Variants in ARHGAP44 observed in about 807,000 individuals in gnomAD.
ARHGAP44 encodes Rho GTPase activating protein 44.
Under a neutral mutation model 106.8 loss-of-function variants are expected in ARHGAP44, and 43 were observed. That is an observed-to-expected ratio of 0.40 (90% CI 0.32 to 0.52). The LOEUF (loss-of-function observed/expected upper bound fraction) is 0.52, where lower values mean the gene tolerates loss of function less well. Among genes scored for constraint, ARHGAP44 ranks in the 20% least tolerant of loss-of-function variants. ARHGAP44 has a pLI of 0.48. For missense variants in ARHGAP44, 866 were observed against 1,050.5 expected (o/e 0.82, Z 2.43); for synonymous variants, 439 against 410.3 (o/e 1.07, Z -0.85).
At position 12,789,729 on chromosome 17, in the gene ARHGAP44, C is replaced by T; in HGVS notation, c.-110C>T. 2 of 1,069,588 alleles carry T rather than the reference C, an allele frequency of 1.9e-6. No homozygotes were observed. Among genetic ancestry groups the T allele is most frequent in the Middle Eastern group, 3.2e-4 (1 of 3,126 alleles). The allele number at this position is 1,069,588 out of a possible 1,614,324, so 66.3% of individuals were successfully genotyped here. ...GACGGCGCCCGGAGGCTCCGCAGTG[C>T]CGCCGCCGTCGCCCGGGAGGCTCCG... On this transcript the variant is annotated 5_prime_UTR_variant, in exon 1 of 21. Coordinates refer to ENST00000379672, the MANE Select transcript of ARHGAP44 (RefSeq NM_014859.6).
At chr17:12,803,977 A>G (rs966882996) in intron 1 of ARHGAP44, among the ~76,000 whole-genome samples, 7 of 152,208 alleles carry the variant, frequency 4.6e-5, no homozygotes, top group Non-Finnish European at 8.8e-5. Context: ...AGATGTCATA[A>G]TTCAGAGTGG....
chr17:12,905,341 T>C (rs2037516441), intron 3 of ARHGAP44, among the ~76,000 whole-genome samples: 1 of 152,196 alleles, frequency 6.6e-6, no homozygotes, highest in Non-Finnish European at 1.5e-5. Context: ...TCAAAATCAT[T>C]AGTGCAGGTG....
chr17:12,910,664 A>G (rs1598039520), intron 4 of ARHGAP44, among the ~76,000 whole-genome samples: 1 of 151,840 alleles, frequency 6.6e-6, no homozygotes, highest in South Asian at 2.1e-4. Context: ...CAGACTGGTC[A>G]TGAACTCCTG....
intron 5 of ARHGAP44, among the ~76,000 whole-genome samples, chr17:12,919,197 G>A (rs1288430043): frequency 6.6e-6 from 1 of 152,172 alleles, no homozygotes; most frequent in Non-Finnish European, 1.5e-5. Flanking sequence ...TAATTAGCCT[G>A]AGTGTAGTAA....
chr17:12,952,661 C>A, intron 13 of ARHGAP44, 80 bp downstream of exon 13: 2 of 948,708 alleles, frequency 2.1e-6, no homozygotes, highest in South Asian at 1.5e-5. Flanking sequence ...GGGTAAAAGT[C>A]ATGGTAACTA....
At chr17:12,946,038 C>A (rs180769853) in intron 10 of ARHGAP44, among the ~76,000 whole-genome samples, 10 of 152,166 alleles carry the variant, frequency 6.6e-5, no homozygotes, top group African/African-American at 2.4e-4. Flanking sequence ...AGATTATAGG[C>A]GTGAGCCACC....
intron 1 of ARHGAP44, 73 bp downstream of exon 1, chr17:12,789,964 A>G: frequency 7.4e-7 from 1 of 1,352,750 alleles, no homozygotes; most frequent in East Asian, 3.2e-5. Context: ...CAGGTGATGG[A>G]GCCCGCCCAG....
chr17:12,845,506 C>CAAAAA (rs748288660), intron 1 of ARHGAP44, among the ~76,000 whole-genome samples: 4 of 67,926 alleles, frequency 5.9e-5, no homozygotes, highest in African/African-American at 1.1e-4. Context: ...GACTCCGTCT[C>CAAAAA]AAAAAAAAAA....
chr17:12,930,722 G>A (rs1012621847), intron 7 of ARHGAP44, among the ~76,000 whole-genome samples: 3 of 152,142 alleles, frequency 2.0e-5, no homozygotes, highest in Non-Finnish European at 4.4e-5. Context: ...GCTTATATTC[G>A]CTATTGTGCC....
Position 12,991,018 on chromosome 17 carries a change from T to C in ARHGAP44, c.*847T>C, listed in dbSNP as rs199733694. The stretch of plus-strand genomic sequence containing the variant: ...GGTCCTGGAGCCTGTCTCTTCTTTC[T>C]GGAGGTTCAAACTGAATAGCAATAA... On this transcript the variant is annotated 3_prime_UTR_variant, in exon 21 of 21. Transcript: ENST00000379672. The C allele has an allele frequency of 6.6e-6, 1 of 152,648 alleles. No homozygotes were observed. The highest frequency in any genetic ancestry group is 1.9e-4 in the East Asian group (1 of 5,178). 9.5% of individuals were successfully genotyped at this position (152,648 alleles called of 1,614,324 possible).
intron 18 of ARHGAP44, among the ~76,000 whole-genome samples, chr17:12,979,729 T>C (rs753515421): frequency 1.6e-4 from 24 of 152,228 alleles, no homozygotes; most frequent in Non-Finnish European, 2.6e-4. Flanking sequence ...CCTGGGTTGA[T>C]GGCAGGATAC....
At chr17:12,965,484 A>C (rs2039368351) in intron 16 of ARHGAP44, among the ~76,000 whole-genome samples, 2 of 152,206 alleles carry the variant, frequency 1.3e-5, no homozygotes, top group Non-Finnish European at 2.9e-5. Flanking sequence ...CTAGATGTTC[A>C]GTAATTTGGA....
intron 3 of ARHGAP44, among the ~76,000 whole-genome samples, chr17:12,908,117 A>G (rs9889362): frequency 0.14 from 21,209 of 148,424 alleles, 2,262 homozygotes; most frequent in East Asian, 0.34. Context: ...CTTTATTTTC[A>G]TGCTTACTCT....
chr17:12,898,583 G>A (rs534493711), intron 3 of ARHGAP44, among the ~76,000 whole-genome samples: 2 of 152,316 alleles, frequency 1.3e-5, no homozygotes, highest in East Asian at 1.9e-4. Context: ...GCTATGTGAC[G>A]CTTGGGCCTC....
At chr17:12,976,705 A>C (rs1037150534) in intron 18 of ARHGAP44, among the ~76,000 whole-genome samples, 1 of 151,704 alleles carries the variant, frequency 6.6e-6, no homozygotes, top group African/African-American at 2.4e-5. Flanking sequence ...AGGAGGGGGC[A>C]CCTGACCCTG....
chr17:12,985,655 A>G (rs922212171), intron 20 of ARHGAP44: 4 of 152,218 alleles, frequency 2.6e-5, no homozygotes, highest in Non-Finnish European at 1.5e-5. Flanking sequence ...ATCTCCCCAG[A>G]CACTTCAACC....
At chr17:12,943,504 C>G (rs1374591985) in intron 8 of ARHGAP44, 84 bp from the exon 9 acceptor site, 1 of 1,330,080 alleles carries the variant, frequency 7.5e-7, no homozygotes, top group East Asian at 2.3e-5. Flanking sequence ...TGTGGAAGCA[C>G]CTTTCTGCAA....
intron 1 of ARHGAP44, among the ~76,000 whole-genome samples, chr17:12,803,955 G>A (rs1277433831): frequency 1.3e-5 from 2 of 152,118 alleles, no homozygotes; most frequent in African/African-American, 2.4e-5. Context: ...GATTGCTTTC[G>A]GTTATAATAA....
chr17:12,897,710 C>CT (rs71980749), intron 3 of ARHGAP44, among the ~76,000 whole-genome samples: 2,871 of 108,938 alleles, frequency 0.026, 166 homozygotes, highest in East Asian at 0.18. Flanking sequence ...TGATCTGTGT[C>CT]TTTTTTTTTT....
Sources: allele counts gnomAD v4.1 joint callset (sites outside exome capture counted in the v4.1 genomes callset), GRCh38; gene constraint gnomAD v4.1.1; transcripts MANE v1.5; gene names NCBI Gene and HGNC (gene_info 2026-07-23, HGNC 2026-07-21).